The following GK5 variants were observed in gnomAD, a reference collection of about 807,000 sequenced individuals.
The protein encoded by GK5 is ATP:glycerol 3-phosphotransferase 5.
In GK5, 39 loss-of-function variants were observed where a neutral mutation model predicts 77.3. The ratio of observed to expected loss-of-function variants is 0.50; its 90% CI spans 0.39 to 0.66. GK5 has a LOEUF of 0.66. GK5 is among the 30% of genes least tolerant of loss of function. The pLI is 0.00. For synonymous variants in GK5, 211 were observed against 208.0 expected (o/e 1.01, Z -0.13); for missense variants, 487 against 633.8 (o/e 0.77, Z 2.49).
At position 142,186,478 on chromosome 3, in the gene GK5, T is replaced by C. The variant is rs1420447933; in HGVS notation, c.655A>G (p.Thr219Ala). 3 of 1,556,020 alleles carry C rather than the reference T, an allele frequency of 1.9e-6. No individual in the cohort carries two copies. Among genetic ancestry groups the C allele is most frequent in the Non-Finnish European group, 1.7e-6 (2 of 1,148,848 alleles). Residue 219 changes from threonine to alanine, a missense_variant, in exon 7 of 16, where the codon ACA becomes GCA. Physicochemically the swap from Thr to Ala is moderately conservative, Grantham distance 58. Transcript: ENST00000392993. ...TTATATGGGTCAAAAAGTCCAGTTG[T>C]ACTAGCATTTGAAAAATCTGTGGCA... is the stretch of plus-strand genomic sequence containing the variant. Reference protein sequence around the residue: ...VYATDFSNASTTGLFDPYKMC... With the variant: ...VYATDFSNASATGLFDPYKMC...
chr3:142,177,501 G>A lies in GK5; in HGVS notation c.1124C>T (p.Pro375Leu). The A allele has an allele frequency of 1.2e-6, 2 of 1,606,680 alleles. No individual in the cohort carries two copies. Among genetic ancestry groups the A allele is most frequent in the Non-Finnish European group, 1.7e-6 (2 of 1,173,812 alleles). ...ACATACCTGTAATCCACTAAAAGAT[G>A]GAACAAAACAAACTCCTTCAGAATC... ...LEDSEGVCFV[P>L]SFSGLQAPLN... is the part of the protein sequence containing the mutation. The change falls in exon 12 of 16, where the codon CCA (proline) becomes CTA (leucine). Residue 375 changes from proline (P) to leucine (L), a missense_variant. Coordinates refer to ENST00000392993, the MANE Select transcript of GK5 (RefSeq NM_001039547.3).
intron 15 of GK5, 127 bp from the exon 16 acceptor site, chr3:142,165,897 C>T (rs868341953): frequency 1.7e-6 from 1 of 579,424 alleles, no homozygotes; most frequent in African/African-American, 1.9e-5. Context: ...ATCCAAAATA[C>T]TTTGTTACTT....
intron 5 of GK5, among the ~76,000 whole-genome samples, chr3:142,188,460 G>A (rs1484231051): frequency 1.3e-5 from 2 of 152,210 alleles, no homozygotes; most frequent in African/African-American, 4.8e-5. Context: ...CGTGAAGCTG[G>A]GAGGTGGAGC....
rs571985763 is a variant in GK5, at chr3:142,185,995, A to G, written c.756-6T>C. 3.2e-5 allele frequency: 51 copies of G among 1,598,270 alleles called. No individual in the cohort carries two copies. Among genetic ancestry groups the G allele is most frequent in the Non-Finnish European group, 4.3e-5 (50 of 1,169,058 alleles). ...CCACTGATCCAAAATTGTGGCTTCAAATAAAATTCATTAAAAAGTTAGTTA... is the reference window on the plus strand; with the variant it reads ...CCACTGATCCAAAATTGTGGCTTCAGATAAAATTCATTAAAAAGTTAGTTA... On this transcript the variant is annotated splice_region_variant and splice_polypyrimidine_tract_variant and intron_variant, in intron 8 of 15. Transcript: ENST00000392993.
intron 4 of GK5, among the ~76,000 whole-genome samples, chr3:142,203,814 A>G (rs1271774187): frequency 2.6e-5 from 4 of 152,156 alleles, no homozygotes; most frequent in Non-Finnish European, 5.9e-5. Context: ...AATATGGAAT[A>G]TTGATTATGA....
At chr3:142,221,932 A>G (rs550222599) in intron 1 of GK5, among the ~76,000 whole-genome samples, 1 of 152,352 alleles carries the variant, frequency 6.6e-6, no homozygotes, top group African/African-American at 2.4e-5. Context: ...TCTTGTCTAC[A>G]AAGGGGAATC....
At chr3:142,177,755 G>A (rs2063636844) in intron 11 of GK5, 179 bp from the exon 12 acceptor site, 1 of 533,882 alleles carries the variant, frequency 1.9e-6, no homozygotes, top group Non-Finnish European at 3.3e-6. Context: ...GGTACTATCT[G>A]AATTCTCACA....
chr3:142,196,681 C>T (rs1297302260), intron 5 of GK5, among the ~76,000 whole-genome samples: 2 of 152,102 alleles, frequency 1.3e-5, no homozygotes, highest in Non-Finnish European at 2.9e-5. Context: ...CAACAGACTT[C>T]GTATAATTTC....
chr3:142,168,237 G>A (rs1435512720), intron 15 of GK5, among the ~76,000 whole-genome samples: 1 of 152,044 alleles, frequency 6.6e-6, no homozygotes, highest in Admixed American at 6.6e-5. Flanking sequence ...GATTTACCTT[G>A]TTACAGTTCT....
rs748129972 is a variant in GK5, at chr3:142,159,853, CT to C, written c.*5768del. The stretch of plus-strand genomic sequence containing the variant: ...TTTCTCTCTCTCTCTCTCTCTCTCT[CT>C]TTTTTTTTTTTGAGACAGAGTCTCG... On this transcript the variant is annotated 3_prime_UTR_variant, in exon 16 of 16. Transcript: ENST00000392993. The C allele has an allele frequency of 1.5e-4, 16 of 106,100 alleles. No homozygotes were observed. The highest frequency in any genetic ancestry group is 3.9e-4 in the Admixed American group (4 of 10,258). 6.6% of individuals were successfully genotyped at this position (106,100 alleles called of 1,614,324 possible). A position where few individuals can be genotyped will look rare whatever the true frequency, so the allele number is the denominator to read the frequency against.
At chr3:142,206,102 T>C (rs201351759) in intron 3 of GK5, among the ~76,000 whole-genome samples, 1 of 152,226 alleles carries the variant, frequency 6.6e-6, no homozygotes, top group East Asian at 1.9e-4. Context: ...ATGTATTCCG[T>C]TTTATGGCTG....
chr3:142,183,140 T>A, intron 9 of GK5, 91 bp from the exon 10 acceptor site: 2 of 1,132,180 alleles, frequency 1.8e-6, no homozygotes, highest in Non-Finnish European at 1.3e-6. Flanking sequence ...CTCTCATGAT[T>A]AAACATCTTC....
Position 142,159,065 on chromosome 3 carries a change from A to C in GK5, c.*6557T>G, listed in dbSNP as rs965017260. The stretch of plus-strand genomic sequence containing the variant: ...AGATATTTAAAGATATGGCTCATTA[A>C]GCAAACATTTAGTGATCATATCTCA... On this transcript the variant is annotated 3_prime_UTR_variant, in exon 16 of 16. Coordinates refer to ENST00000392993, the MANE Select transcript of GK5 (RefSeq NM_001039547.3). The C allele has an allele frequency of 1.3e-5, 2 of 152,224 alleles. No homozygotes were observed. The highest frequency in any genetic ancestry group is 2.9e-5 in the Non-Finnish European group (2 of 68,036). 9.4% of individuals were successfully genotyped at this position (152,224 alleles called of 1,614,324 possible).
chr3:142,222,851 A>G (rs921740458), intron 1 of GK5, among the ~76,000 whole-genome samples: 1 of 152,256 alleles, frequency 6.6e-6, no homozygotes, highest in Non-Finnish European at 1.5e-5. Flanking sequence ...GTCAATAGAC[A>G]TAAAATTATT....
rs140502474 is a variant in GK5, at chr3:142,197,868, C to G, written c.543+934G>C. ...TGAAACCCCATCTCTACTAAAAATACAAAAACTAGCTGGGCATGGTGGCAT... is the reference window on the plus strand; with the variant it reads ...TGAAACCCCATCTCTACTAAAAATAGAAAAACTAGCTGGGCATGGTGGCAT... On this transcript the variant is annotated intron_variant, in intron 5 of 15. Transcript: ENST00000392993. 6.4e-3 allele frequency among the ~76,000 whole-genome samples: 968 copies of G among 151,878 alleles called. 8 individuals carry two copies. Among genetic ancestry groups the G allele is most frequent in the African/African-American group, 0.022 (898 of 41,424 alleles).
At position 142,165,593 on chromosome 3, in the gene GK5, A is replaced by G; in HGVS notation, c.*29T>C. The G allele has an allele frequency of 1.9e-6, 3 of 1,558,444 alleles. No homozygotes were observed. The highest frequency in any genetic ancestry group is 2.6e-6 in the Non-Finnish European group (3 of 1,148,994). ...CATCTGCACGTCACATAAACCAGCT[A>G]CCTATGGTTTTGATCATTTCATTTA... On this transcript the variant is annotated 3_prime_UTR_variant, in exon 16 of 16. Coordinates refer to ENST00000392993, the MANE Select transcript of GK5 (RefSeq NM_001039547.3).
rs774015014 is a variant in GK5, at chr3:142,198,933, T to A, written c.412A>T (p.Ile138Leu). The change falls in exon 5 of 16, where the codon ATA (isoleucine) becomes TTA (leucine). Residue 138 changes from isoleucine to leucine, a missense_variant and splice_region_variant. Coordinates refer to ENST00000392993, the MANE Select transcript of GK5 (RefSeq NM_001039547.3). ...KSWNNSLLMK[I>L]FHSSCRVLHF... is the part of the protein sequence containing the mutation. ...AGCACTCGGCAAGAACTGTGAAATA[T>A]CTATATTTTAAAAAACATATTTTAG... is the stretch of plus-strand genomic sequence containing the variant. The A allele has an allele frequency of 6.2e-7, 1 of 1,602,168 alleles. No homozygotes were observed. Among genetic ancestry groups the A allele is most frequent in the South Asian group, 1.1e-5 (1 of 88,938 alleles).
At chr3:142,199,528 C>A (rs1298182969) in intron 4 of GK5, among the ~76,000 whole-genome samples, 1 of 152,096 alleles carries the variant, frequency 6.6e-6, no homozygotes, top group Non-Finnish European at 1.5e-5. Context: ...TAATACTAGA[C>A]AACGAAGGAT....
intron 1 of GK5, among the ~76,000 whole-genome samples, chr3:142,216,831 G>A (rs1407366253): frequency 1.3e-5 from 2 of 152,158 alleles, no homozygotes; most frequent in Non-Finnish European, 2.9e-5. Flanking sequence ...TGACTACTAG[G>A]TTGCACACAC....
Sources: gnomAD v4.1 joint callset for allele counts (sites outside exome capture counted in the v4.1 genomes callset) on GRCh38, gnomAD v4.1.1 for gene constraint, MANE v1.5 for transcripts, NCBI Gene and HGNC (gene_info 2026-07-23, HGNC 2026-07-21) for gene names.